The following ANKRD11 variants were observed in gnomAD, a reference collection of about 807,000 sequenced individuals.
ANKRD11 encodes the protein ankyrin repeat domain 11.
ANKRD11 carries 17 observed loss-of-function variants against 195.7 expected under a neutral mutation model. That is an observed-to-expected ratio of 0.09 (90% confidence interval 0.06 to 0.13). The LOEUF (loss-of-function observed/expected upper bound fraction) is 0.13. Ranked by LOEUF, ANKRD11 falls within the 10% of genes least tolerant of loss-of-function variation. ANKRD11 has a pLI of 1.00. For missense variants in ANKRD11, 3,735 were observed against 3,566.1 expected (o/e 1.05, Z -1.21); for synonymous variants, 1,953 against 1,528.1 (o/e 1.28, Z -6.49).
chr16:89,469,271 G>C (rs748236122), intron 1 of ANKRD11, among the ~76,000 whole-genome samples: 50 of 152,144 alleles, frequency 3.3e-4, no homozygotes, highest in Middle Eastern at 6.8e-3. Flanking sequence ...GCCCAGGCTA[G>C]AGTGCTGTAG....
intron 1 of ANKRD11, among the ~76,000 whole-genome samples, chr16:89,440,913 A>G (rs1402852747): frequency 2.0e-5 from 3 of 152,324 alleles, no homozygotes; most frequent in Admixed American, 2.0e-4. Flanking sequence ...TCAAAACGGA[A>G]AGAGAGAGCG....
chr16:89,341,398 G>A (rs1023241629), intron 2 of ANKRD11, among the ~76,000 whole-genome samples: 2 of 152,276 alleles, frequency 1.3e-5, no homozygotes, highest in Admixed American at 6.5e-5. Context: ...CAGGTTGGAG[G>A]GATAAGGCCC....
intron 1 of ANKRD11, among the ~76,000 whole-genome samples, chr16:89,433,465 C>G (rs1399793471): frequency 6.6e-6 from 1 of 152,254 alleles, no homozygotes; most frequent in Non-Finnish European, 1.5e-5. Flanking sequence ...TTCAAACATA[C>G]TATTCAGAAC....
At chr16:89,371,192 T>G (rs1281857591) in intron 2 of ANKRD11, among the ~76,000 whole-genome samples, 3 of 152,114 alleles carry the variant, frequency 2.0e-5, no homozygotes, top group Non-Finnish European at 4.4e-5. Context: ...CAGAAAAAGA[T>G]GCAACGACTC....
At chr16:89,391,044 C>T (rs1472975629) in intron 2 of ANKRD11, among the ~76,000 whole-genome samples, 4 of 152,034 alleles carry the variant, frequency 2.6e-5, no homozygotes, top group Admixed American at 6.6e-5. Flanking sequence ...CTGGCTAACA[C>T]GGTGAAACCC....
intron 1 of ANKRD11, among the ~76,000 whole-genome samples, chr16:89,484,160 A>G (rs566232603): frequency 6.6e-6 from 1 of 152,326 alleles, no homozygotes; most frequent in South Asian, 2.1e-4. Flanking sequence ...CAGACATCTT[A>G]GTCAAAATCA....
chr16:89,298,920 G>C (rs2035631748), intron 4 of ANKRD11: 1 of 152,228 alleles, frequency 6.6e-6, no homozygotes, highest in Non-Finnish European at 1.5e-5. Flanking sequence ...TTGAGTGCCT[G>C]AATGTGGTGG....
At chr16:89,268,784 G>A (rs1394528582) in intron 12 of ANKRD11, 121 bp from the exon 13 acceptor site, 1 of 1,180,896 alleles carries the variant, frequency 8.5e-7, no homozygotes, top group Non-Finnish European at 1.2e-6. Context: ...CCCTGGTATG[G>A]GCCAGGCCCA....
rs2151798386 is a variant in ANKRD11 at position 89,291,142 on chromosome 16, C to T, written c.268G>A (p.Val90Ile). 6.2e-6 allele frequency: 10 copies of T among 1,614,002 alleles called. No homozygotes were observed. Among genetic ancestry groups the T allele is most frequent in the South Asian group, 2.2e-5 (2 of 91,076 alleles). ...AACAGCAGCCCGGCCTTCCGGGTGACAGGCTCCTTCTTAATCCTCTTCCGC... is the reference window on the plus strand; with the variant it reads ...AACAGCAGCCCGGCCTTCCGGGTGATAGGCTCCTTCTTAATCCTCTTCCGC... The part of the protein sequence containing the change: ...PERKRIKKEP[V>I]TRKAGLLFGM... The change falls in exon 5 of 13, where the codon GTC becomes ATC. Residue 90 changes from valine to isoleucine, a missense_variant. Coordinates refer to ENST00000301030, the MANE Select transcript of ANKRD11 (RefSeq NM_013275.6). This position sits in a 1 kb window ranked among gnomAD's most constrained non-coding sequence, Gnocchi z 5.3.
chr16:89,378,626 C>T (rs2040518638), intron 2 of ANKRD11, among the ~76,000 whole-genome samples: 1 of 152,298 alleles, frequency 6.6e-6, no homozygotes, highest in East Asian at 1.9e-4. Flanking sequence ...GCTCAAGTAG[C>T]TTCTCTTGTT....
chr16:89,281,431 G>T lies in ANKRD11; in HGVS notation c.5111C>A (p.Pro1704His), dbSNP rs1257574452. 6.2e-7 allele frequency: 1 copy of T among 1,612,862 alleles called. No homozygotes were observed. Among genetic ancestry groups the T allele is most frequent in the African/African-American group, 1.3e-5 (1 of 74,860 alleles). The change falls in exon 9 of 13, where the codon CCC becomes CAC. Residue 1704 changes from proline (P) to histidine (H), a missense_variant. Transcript: ENST00000301030. This position sits in a 1 kb window ranked among gnomAD's most constrained non-coding sequence, Gnocchi z 5.5. ...GCAGGATAGCACCGACGTAGGGGTGGGCACGCCAGTGGGCCGGCTCTGGTC... is the reference window on the plus strand; with the variant it reads ...GCAGGATAGCACCGACGTAGGGGTGTGCACGCCAGTGGGCCGGCTCTGGTC... ...RPDQSRPTGV[P>H]TPTSVLSCPS...
At chr16:89,386,920 C>T (rs975848540) in intron 2 of ANKRD11, among the ~76,000 whole-genome samples, 3 of 151,828 alleles carry the variant, frequency 2.0e-5, no homozygotes, top group African/African-American at 7.3e-5. Context: ...CTCCCCACGC[C>T]TCGACCACCG....
chr16:89,366,072 G>A (rs1430770521), intron 2 of ANKRD11, among the ~76,000 whole-genome samples: 3 of 146,970 alleles, frequency 2.0e-5, no homozygotes, highest in African/African-American at 7.7e-5. Context: ...GGAGGTTGCA[G>A]TGAGCTAAAA....
chr16:89,408,385 A>C (rs562475870), intron 2 of ANKRD11, among the ~76,000 whole-genome samples: 9 of 152,382 alleles, frequency 5.9e-5, no homozygotes, highest in Non-Finnish European at 1.2e-4. Context: ...GGCCAGCATC[A>C]GCACCCAGTT....
intron 2 of ANKRD11, among the ~76,000 whole-genome samples, chr16:89,381,199 G>T (rs2040630127): frequency 6.6e-6 from 1 of 152,108 alleles, no homozygotes; most frequent in African/African-American, 2.4e-5. Flanking sequence ...GGGCATGGTG[G>T]TGTGCACCGG....
chr16:89,280,156 T>C lies in ANKRD11; in HGVS notation c.6386A>G (p.Asp2129Gly), dbSNP rs773111795. The C allele has an allele frequency of 6.2e-7, 1 of 1,610,838 alleles. No individual in the cohort carries two copies. Residue 2129 changes from aspartate to glycine, a missense_variant, in exon 9 of 13, where the codon GAC becomes GGC. Asp to Gly is a moderately conservative substitution (Grantham distance 94). Coordinates refer to ENST00000301030, the MANE Select transcript of ANKRD11 (RefSeq NM_013275.6). ...GGAGAAGGGCCCCAGGTCCAGGTCG[T>C]CCTCGGGGCCGGCGAAGGCGTCCGC... is the stretch of plus-strand genomic sequence containing the variant. Reference protein sequence around the residue: ...PWADAFAGPEDDLDLGPFSLP... With the variant: ...PWADAFAGPEGDLDLGPFSLP...
At chr16:89,359,490 G>A (rs1462356015) in intron 2 of ANKRD11, among the ~76,000 whole-genome samples, 7 of 152,204 alleles carry the variant, frequency 4.6e-5, no homozygotes, top group Non-Finnish European at 7.3e-5. Context: ...GCTTCGGGAT[G>A]CAGATGGCAG....
chr16:89,279,737 A>C lies in ANKRD11; in HGVS notation c.6805T>G (p.Cys2269Gly). The C allele has an allele frequency of 3.3e-6, 5 of 1,534,208 alleles. No individual in the cohort carries two copies. The highest frequency in any genetic ancestry group is 4.4e-6 in the Non-Finnish European group (5 of 1,144,954). ...EAEGPPAASLCAPDGPAPNTV... is the reference protein window; with the variant it reads ...EAEGPPAASLGAPDGPAPNTV... ...TTCGGGGCGGGGCCGTCAGGGGCAC[A>C]GAGGGACGCGGCGGGGGGGCCTTCA... Residue 2269 changes from cysteine (C) to glycine (G), a missense_variant, in exon 9 of 13, where the codon TGT becomes GGT. Physicochemically the swap from Cys to Gly is radical, Grantham distance 159. Coordinates refer to ENST00000301030, the MANE Select transcript of ANKRD11 (RefSeq NM_013275.6). This position sits in a 1 kb window ranked among gnomAD's most constrained non-coding sequence, Gnocchi z 5.6.
intron 2 of ANKRD11, among the ~76,000 whole-genome samples, chr16:89,403,210 C>A (rs113984895): frequency 1.3e-5 from 2 of 152,206 alleles, no homozygotes; most frequent in East Asian, 3.8e-4. Context: ...CTGATCCGCT[C>A]CCTCTCTTCT....
Sources: allele counts gnomAD v4.1 joint callset (sites outside exome capture counted in the v4.1 genomes callset), GRCh38; gene constraint gnomAD v4.1.1; non-coding constraint Gnocchi (gnomAD v3.1); transcripts MANE v1.5; gene names NCBI Gene and HGNC (gene_info 2026-07-23, HGNC 2026-07-21).